Variants in KIAA1217 observed in about 807,000 individuals in gnomAD.
KIAA1217 encodes the protein sickle tail protein homolog.
In KIAA1217, 88 loss-of-function variants were observed where a neutral mutation model predicts 163.9. That is an observed-to-expected ratio of 0.54 (90% CI 0.45 to 0.64). The LOEUF is 0.64. Ranked by LOEUF, KIAA1217 falls within the 30% of genes least tolerant of loss-of-function variation. The pLI is 0.00. For synonymous variants in KIAA1217, 903 were observed against 923.1 expected (o/e 0.98, Z 0.39); for missense variants, 2,372 against 2,475.0 (o/e 0.96, Z 0.88).
chr10:24,425,441 G>A (rs541059340), intron 3 of KIAA1217, among the ~76,000 whole-genome samples: 1 of 152,278 alleles, frequency 6.6e-6, no homozygotes, highest in South Asian at 2.1e-4. Context: ...GTAAGCTTCA[G>A]GGCTCACAAA....
intron 2 of KIAA1217, among the ~76,000 whole-genome samples, chr10:24,348,113 T>C (rs1390370422): frequency 2.0e-5 from 3 of 152,128 alleles, no homozygotes; most frequent in Non-Finnish European, 4.4e-5. Flanking sequence ...TCCCAGCACT[T>C]TGGGAGGCAG....
At chr10:23,899,609 A>G (rs1564517745) in intron 1 of KIAA1217, among the ~76,000 whole-genome samples, 1 of 152,136 alleles carries the variant, frequency 6.6e-6, no homozygotes, top group Non-Finnish European at 1.5e-5. Context: ...GTTTAAATAT[A>G]TAAAATGAGC....
chr10:23,699,180 A>G (rs1300417001), intron 1 of KIAA1217, among the ~76,000 whole-genome samples: 1 of 152,088 alleles, frequency 6.6e-6, no homozygotes, highest in Non-Finnish European at 1.5e-5. Flanking sequence ...GCAGCAAAGG[A>G]CTTGGTTGGG....
chr10:24,334,125 T>C (rs1288383529), intron 2 of KIAA1217, among the ~76,000 whole-genome samples: 1 of 152,240 alleles, frequency 6.6e-6, no homozygotes, highest in Non-Finnish European at 1.5e-5. Context: ...ATACATGTTA[T>C]ACATTTATAA....
Position 24,358,890 on chromosome 10 carries a change from T to A in KIAA1217, c.355-21979T>A, listed in dbSNP as rs545974741. On this transcript the variant is annotated intron_variant, in intron 2 of 20. Transcript: ENST00000376454. ...ATACACACACAAAGTGTACTTGTTT[T>A]GTTTTTTTAAAAATCAGTCTCCTTA... Among the ~76,000 whole-genome samples, 4 of 152,314 alleles carry A rather than the reference T, an allele frequency of 2.6e-5. No individual in the cohort carries two copies. In the East Asian group the frequency reaches 7.7e-4, roughly 29 times the overall value.
chr10:24,027,051 T>C (rs1847983521), intron 2 of KIAA1217, among the ~76,000 whole-genome samples: 1 of 152,108 alleles, frequency 6.6e-6, no homozygotes, highest in South Asian at 2.1e-4. Context: ...TTCCAAATAT[T>C]TGGGGCTTTA....
At chr10:24,117,777 G>A (rs1051523147) in intron 2 of KIAA1217, among the ~76,000 whole-genome samples, 3 of 152,162 alleles carry the variant, frequency 2.0e-5, no homozygotes, top group African/African-American at 7.2e-5. Flanking sequence ...CTTCATATGT[G>A]TAATTTAATG....
At chr10:24,151,581 G>A (rs893548389) in intron 2 of KIAA1217, among the ~76,000 whole-genome samples, 1 of 151,116 alleles carries the variant, frequency 6.6e-6, no homozygotes, top group Non-Finnish European at 1.5e-5. Flanking sequence ...GAGTTGATGC[G>A]TAAGAATTCA....
At chr10:24,463,029 A>G (rs907238574) in intron 5 of KIAA1217, among the ~76,000 whole-genome samples, 2 of 152,194 alleles carry the variant, frequency 1.3e-5, no homozygotes, top group African/African-American at 4.8e-5. Flanking sequence ...TATTTGTACC[A>G]TCTGTTGCAA....
chr10:23,796,396 C>T (rs1836206711), intron 1 of KIAA1217, among the ~76,000 whole-genome samples: 1 of 151,728 alleles, frequency 6.6e-6, no homozygotes, highest in African/African-American at 2.4e-5. Flanking sequence ...CGAAGTCTCA[C>T]TCTGTCACCC....
At position 24,209,211 on chromosome 10, in the gene KIAA1217, C is replaced by A; in HGVS notation, c.18C>A (p.Ser6Arg). Residue 6 changes from serine to arginine, a missense_variant, in exon 1 of 21, where the codon AGC becomes AGA. Coordinates refer to ENST00000376454, the MANE Select transcript of KIAA1217 (RefSeq NM_019590.5). ...CAGAGACAATGGAAGAAAATGAAAG[C>A]CAGAAATGTGAGCCGTGCCTTCCTT... MEENE[S>R]QKCEPCLPYS... 6.2e-7 allele frequency: 1 copy of A among 1,613,832 alleles called. No individual in the cohort carries two copies. The highest frequency in any genetic ancestry group is 8.5e-7 in the Non-Finnish European group (1 of 1,179,910).
intron 2 of KIAA1217, among the ~76,000 whole-genome samples, chr10:24,061,574 A>G (rs907517727): frequency 3.9e-5 from 6 of 152,174 alleles, no homozygotes; most frequent in African/African-American, 1.2e-4. Flanking sequence ...AAGGCAGGTA[A>G]GCGGTGATAA....
intron 2 of KIAA1217, among the ~76,000 whole-genome samples, chr10:24,058,410 T>C (rs1301555434): frequency 6.6e-6 from 1 of 152,218 alleles, no homozygotes; most frequent in African/African-American, 2.4e-5. Flanking sequence ...TATAGAGTTG[T>C]ATCTTCTACT....
chr10:24,252,997 TAA>T (rs11287032), intron 2 of KIAA1217, among the ~76,000 whole-genome samples: 207 of 143,876 alleles, frequency 1.4e-3, no homozygotes, highest in Middle Eastern at 3.7e-3. Flanking sequence ...TACAAATAAT[TAA>T]AAAAAAAAAA....
chr10:24,031,635 T>C (rs936778676), intron 2 of KIAA1217, among the ~76,000 whole-genome samples: 1 of 152,150 alleles, frequency 6.6e-6, no homozygotes, highest in Non-Finnish European at 1.5e-5. Flanking sequence ...TGGCCTTAAA[T>C]AATTTTTAAA....
In KIAA1217 at chr10:24,364,514, T is replaced by TAG. The variant is rs1591338688; in HGVS notation, c.355-16355_355-16354insAG. On this transcript the variant is annotated intron_variant, in intron 2 of 20. Coordinates refer to ENST00000376454, the MANE Select transcript of KIAA1217 (RefSeq NM_019590.5). ...TTGTAATCCTGAGAAAACTTATGTG[T>TAG]GATTATAGGATCCTGAGGCCTAAAG... 3.3e-5 allele frequency among the ~76,000 whole-genome samples: 5 copies of TAG among 152,138 alleles called. No individual in the cohort carries two copies. The East Asian group carries it at 9.7e-4, about 29-fold the overall frequency.
intron 2 of KIAA1217, among the ~76,000 whole-genome samples, chr10:24,312,551 G>A (rs1002878151): frequency 3.3e-5 from 5 of 152,126 alleles, no homozygotes; most frequent in Admixed American, 6.5e-5. Flanking sequence ...CCTGGGAAGC[G>A]GAGGTTGCAG....
chr10:24,342,761 C>T (rs367762701), intron 2 of KIAA1217, among the ~76,000 whole-genome samples: 14 of 150,750 alleles, frequency 9.3e-5, no homozygotes, highest in Non-Finnish European at 1.3e-4. Flanking sequence ...CAGGTTCAAG[C>T]GATCCTCCTG....
At chr10:24,061,037 T>A (rs1221838592) in intron 2 of KIAA1217, among the ~76,000 whole-genome samples, 6 of 152,232 alleles carry the variant, frequency 3.9e-5, no homozygotes, top group Admixed American at 3.9e-4. Context: ...TTGACAATCA[T>A]TTTCTGTATG....
Sources: allele counts gnomAD v4.1 joint callset (sites outside exome capture counted in the v4.1 genomes callset), GRCh38; gene constraint gnomAD v4.1.1; transcripts MANE v1.5; gene names NCBI Gene and HGNC (gene_info 2026-07-23, HGNC 2026-07-21).